The following NELL1 variants were observed in gnomAD, a reference collection of about 807,000 sequenced individuals.
The protein encoded by NELL1 is neural EGFL like 1, also known as protein kinase C-binding protein NELL1.
Under a neutral mutation model 107.4 loss-of-function variants are expected in NELL1, and 76 were observed. That is an observed-to-expected ratio of 0.71 (90% CI 0.59 to 0.86). NELL1 has a LOEUF of 0.86. Ranked by LOEUF, NELL1 falls within the 40% of genes least tolerant of loss-of-function variation. The pLI is 0.00. For missense variants in NELL1, 1,024 were observed against 1,005.5 expected, an observed-to-expected ratio of 1.02 and a Z score of -0.25; for synonymous variants, 353 against 341.2, an observed-to-expected ratio of 1.03 and a Z score of -0.38.
chr11:21,396,451 T>A (rs567365804), intron 15 of NELL1, among the ~76,000 whole-genome samples: 47 of 151,674 alleles, frequency 3.1e-4, no homozygotes, highest in African/African-American at 1.1e-3. Flanking sequence ...AGACAGAAGA[T>A]TGATAAAGGA....
chr11:20,692,812 C>T (rs897695402), intron 2 of NELL1, among the ~76,000 whole-genome samples: 5 of 152,132 alleles, frequency 3.3e-5, no homozygotes, highest in African/African-American at 7.2e-5. Context: ...CCGCTTAGTG[C>T]AGAGCTGAGT....
intron 15 of NELL1, among the ~76,000 whole-genome samples, chr11:21,512,784 G>C (rs762691739): frequency 6.6e-6 from 1 of 151,552 alleles, no homozygotes; most frequent in Non-Finnish European, 1.5e-5. Context: ...ATCCCAAATT[G>C]TGTGAAAATA....
chr11:21,542,892 T>A (rs1856327211), intron 16 of NELL1, among the ~76,000 whole-genome samples: 1 of 152,080 alleles, frequency 6.6e-6, no homozygotes, highest in Admixed American at 6.6e-5. Context: ...AAGATGTTCA[T>A]AAATATCCTG....
intron 14 of NELL1, among the ~76,000 whole-genome samples, chr11:21,281,380 A>G (rs58190973): frequency 0.015 from 2,262 of 152,166 alleles, 70 homozygotes; most frequent in African/African-American, 0.052. Context: ...TGCCAGTTCA[A>G]TTGCAATACA....
intron 2 of NELL1, among the ~76,000 whole-genome samples, chr11:20,753,983 A>G (rs1283895474): frequency 6.6e-6 from 1 of 152,190 alleles, no homozygotes; most frequent in Non-Finnish European, 1.5e-5. Flanking sequence ...GGGCATATAC[A>G]CATCCTTAAG....
At chr11:21,557,507 A>G (rs754827213) in intron 16 of NELL1, among the ~76,000 whole-genome samples, 1 of 152,012 alleles carries the variant, frequency 6.6e-6, no homozygotes, top group Non-Finnish European at 1.5e-5. Flanking sequence ...TTTTGTAGCC[A>G]CTGGTGGTGG....
At chr11:21,075,713 G>A (rs769063408) in intron 12 of NELL1, among the ~76,000 whole-genome samples, 2 of 152,174 alleles carry the variant, frequency 1.3e-5, no homozygotes, top group Non-Finnish European at 2.9e-5. Context: ...GATTACAGGC[G>A]TGAGCCACCA....
chr11:20,706,227 T>C (rs1161634696), intron 2 of NELL1, among the ~76,000 whole-genome samples: 2 of 152,196 alleles, frequency 1.3e-5, no homozygotes, highest in Non-Finnish European at 2.9e-5. Context: ...CATATGTTTA[T>C]TGTGGCACTA....
At chr11:20,850,863 C>T (rs1848782926) in intron 4 of NELL1, among the ~76,000 whole-genome samples, 1 of 152,090 alleles carries the variant, frequency 6.6e-6, no homozygotes, top group South Asian at 2.1e-4. Context: ...TTAGGATAAC[C>T]ATATGGGGAC....
chr11:20,986,718 C>CT (rs372522019), intron 12 of NELL1, among the ~76,000 whole-genome samples: 158 of 149,144 alleles, frequency 1.1e-3, no homozygotes, highest in African/African-American at 2.8e-3. Flanking sequence ...ATTTGGGCAC[C>CT]TTTTTTTTTT....
At chr11:21,277,556 C>A (rs1037434351) in intron 14 of NELL1, among the ~76,000 whole-genome samples, 4 of 152,078 alleles carry the variant, frequency 2.6e-5, no homozygotes, top group African/African-American at 9.7e-5. Context: ...TGGGTATATA[C>A]CCAAAGGATT....
intron 14 of NELL1, among the ~76,000 whole-genome samples, chr11:21,356,965 G>C (rs546140916): frequency 2.6e-5 from 4 of 152,298 alleles, no homozygotes; most frequent in African/African-American, 9.6e-5. Flanking sequence ...CATGTAGGTT[G>C]CTGCAAATGC....
rs1407871149 is a variant in NELL1, at chr11:21,342,415, G to T, written c.1550-28438G>T. Among the ~76,000 whole-genome samples the T allele has an allele frequency of 2.0e-5, 3 of 148,738 alleles. No homozygotes were observed. The East Asian group carries it at 6.2e-4, about 31-fold the overall frequency. ...CAGTGCTTTGAGAGGCTTAAGTGGG[G>T]GGGGGGGTCACTTGAGGCCAGGAGT... On this transcript the variant is annotated intron_variant, in intron 14 of 19. Coordinates refer to ENST00000357134, the MANE Select transcript of NELL1 (RefSeq NM_006157.5).
At chr11:21,477,537 C>T (rs907768957) in intron 15 of NELL1, among the ~76,000 whole-genome samples, 1 of 152,100 alleles carries the variant, frequency 6.6e-6, no homozygotes, top group African/African-American at 2.4e-5. Context: ...ACTTAGACCA[C>T]AACACCCCAG....
chr11:21,238,935 A>T (rs1391244590), intron 14 of NELL1, among the ~76,000 whole-genome samples: 5 of 152,130 alleles, frequency 3.3e-5, no homozygotes, highest in Non-Finnish European at 7.4e-5. Context: ...ACATACCTCA[A>T]CACATAAGCT....
intron 15 of NELL1, among the ~76,000 whole-genome samples, chr11:21,379,800 C>T (rs754651149): frequency 6.6e-6 from 1 of 151,968 alleles, no homozygotes; most frequent in African/African-American, 2.4e-5. Context: ...TGTCAATTTA[C>T]CAGGTAAAAA....
intron 12 of NELL1, among the ~76,000 whole-genome samples, chr11:21,028,081 GT>G (rs1355224846): frequency 6.6e-6 from 1 of 152,098 alleles, no homozygotes. Context: ...TGAAAATAGA[GT>G]AAAAACAAAA....
At chr11:20,946,089 T>C (rs1850956658) in intron 10 of NELL1, among the ~76,000 whole-genome samples, 1 of 152,232 alleles carries the variant, frequency 6.6e-6, no homozygotes, top group African/African-American at 2.4e-5. Flanking sequence ...TATACAATTA[T>C]GTTACTGTTC....
At chr11:21,489,437 G>C (rs898993716) in intron 15 of NELL1, among the ~76,000 whole-genome samples, 2 of 129,628 alleles carry the variant, frequency 1.5e-5, no homozygotes, top group African/African-American at 5.6e-5. Context: ...TCCCTAACTT[G>C]TTATCTGAGG....
Sources: gnomAD v4.1 joint callset for allele counts (sites outside exome capture counted in the v4.1 genomes callset) on GRCh38, gnomAD v4.1.1 for gene constraint, MANE v1.5 for transcripts, NCBI Gene and HGNC (gene_info 2026-07-23, HGNC 2026-07-21) for gene names.